Variants in R3HDM1 observed in about 807,000 individuals in gnomAD.
R3HDM1 encodes the protein R3H domain-containing protein 1.
R3HDM1 carries 46 observed loss-of-function variants against 141.1 expected under a neutral mutation model. The observed-to-expected ratio is 0.33, with a 90% CI of 0.26 to 0.42. R3HDM1 has a LOEUF of 0.42. Ranked by LOEUF, R3HDM1 falls within the 10% of genes least tolerant of loss-of-function variation. The pLI is 1.00. For missense variants in R3HDM1, 1,184 were observed against 1,368.3 expected, an observed-to-expected ratio of 0.87 and a Z score of 2.12; for synonymous variants, 435 against 472.9, an observed-to-expected ratio of 0.92 and a Z score of 1.04.
intron 3 of R3HDM1, among the ~76,000 whole-genome samples, chr2:135,607,641 C>CT (rs1208792160): frequency 6.6e-6 from 1 of 152,322 alleles, no homozygotes; most frequent in East Asian, 1.9e-4. Flanking sequence ...ATTTTAGCCT[C>CT]TTTTCTACAC....
intron 1 of R3HDM1, chr2:135,597,132 T>C (rs781610620): frequency 3.1e-6 from 3 of 977,896 alleles, no homozygotes; most frequent in Non-Finnish European, 2.4e-6. Context: ...CACTAATTAT[T>C]CTCTCTCATT....
intron 23 of R3HDM1, among the ~76,000 whole-genome samples, chr2:135,711,106 G>C (rs1462318496): frequency 1.3e-5 from 2 of 152,200 alleles, no homozygotes; most frequent in African/African-American, 4.8e-5. Context: ...GAAGTACACA[G>C]CATTACTTAT....
chr2:135,699,188 AC>A (rs202130462), intron 21 of R3HDM1, among the ~76,000 whole-genome samples: 2,095 of 152,320 alleles, frequency 0.014, 27 homozygotes, highest in Admixed American at 0.029. Context: ...AAAAAAGCTA[AC>A]AGAATGGGAG....
At chr2:135,709,001 G>C (rs966742494) in intron 21 of R3HDM1, among the ~76,000 whole-genome samples, 2 of 149,982 alleles carry the variant, frequency 1.3e-5, no homozygotes, top group African/African-American at 4.9e-5. Flanking sequence ...AAATACAGCA[G>C]TAACTTAATG....
intron 21 of R3HDM1, among the ~76,000 whole-genome samples, chr2:135,684,747 C>A (rs554045974): frequency 6.6e-6 from 1 of 151,204 alleles, no homozygotes; most frequent in Non-Finnish European, 1.5e-5. Flanking sequence ...CATTCTCTTG[C>A]GTTTTTTTTT....
intron 19 of R3HDM1, among the ~76,000 whole-genome samples, chr2:135,673,498 G>C (rs1574918933): frequency 1.3e-5 from 2 of 152,174 alleles, no homozygotes; most frequent in African/African-American, 4.8e-5. Context: ...GTCATTTGAT[G>C]AACTGAAAAT....
intron 3 of R3HDM1, chr2:135,607,182 T>G (rs562494628): frequency 3.7e-6 from 1 of 268,904 alleles, no homozygotes; most frequent in African/African-American, 2.3e-5. Context: ...AGAAACAGGG[T>G]TTCACCATGT....
rs534061085 is a variant in R3HDM1, at chr2:135,682,630, G to A, written c.2459+2306G>A. Among the ~76,000 whole-genome samples the A allele has an allele frequency of 4.9e-4, 74 of 152,346 alleles. 1 individual carries two copies. Among genetic ancestry groups the A allele is most frequent in the African/African-American group, 1.6e-3 (66 of 41,586 alleles). On this transcript the variant is annotated intron_variant, in intron 21 of 26. Coordinates refer to ENST00000683871, the MANE Select transcript of R3HDM1 (RefSeq NM_001378107.1). ...AATTTTTAAGAGCTAGCTTTGGCCT[G>A]AGGGATAGCCTGCAGCACAGAAATT...
Position 135,724,396 on chromosome 2 carries a change from T to C in R3HDM1, c.*104T>C, listed in dbSNP as rs2076995700. The C allele has an allele frequency of 3.5e-6, 3 of 845,626 alleles. No homozygotes were observed. In the African/African-American group the frequency reaches 5.1e-5, roughly 14 times the overall value. The allele number at this position is 845,626 out of a possible 1,614,324, so 52.4% of individuals were successfully genotyped here. ...GTTAACATTATAGAGACTCCTAGGA[T>C]GTGTGTTCATGGCATTATAGCTTTT... On this transcript the variant is annotated 3_prime_UTR_variant, in exon 27 of 27. Transcript: ENST00000683871.
At chr2:135,705,926 G>A (rs1211229638) in intron 21 of R3HDM1, among the ~76,000 whole-genome samples, 3 of 152,050 alleles carry the variant, frequency 2.0e-5, no homozygotes, top group African/African-American at 4.8e-5. Context: ...TCAGGAGATC[G>A]AGACCATCCT....
At chr2:135,709,907 A>G in intron 22 of R3HDM1, 152 bp from the exon 23 acceptor site, 1 of 736,698 alleles carries the variant, frequency 1.4e-6, no homozygotes, top group East Asian at 2.7e-5. Context: ...CAATACTTGT[A>G]GTGTGATGCA....
chr2:135,703,112 A>G (rs191800959), intron 21 of R3HDM1, among the ~76,000 whole-genome samples: 16 of 152,232 alleles, frequency 1.1e-4, no homozygotes, highest in Admixed American at 9.8e-4. Flanking sequence ...CTACCCTCCA[A>G]TTTCTCAAGC....
At chr2:135,703,123 C>T (rs879608796) in intron 21 of R3HDM1, among the ~76,000 whole-genome samples, 4 of 152,084 alleles carry the variant, frequency 2.6e-5, no homozygotes, top group African/African-American at 4.8e-5. Flanking sequence ...TTTCTCAAGC[C>T]GAAGGCATCT....
chr2:135,568,122 C>T (rs1049429574), intron 1 of R3HDM1, among the ~76,000 whole-genome samples: 9 of 151,840 alleles, frequency 5.9e-5, no homozygotes, highest in African/African-American at 2.2e-4. Flanking sequence ...GTGGTTCAAT[C>T]ACGCCTCACT....
chr2:135,674,360 G>A (rs1419203253), intron 19 of R3HDM1, among the ~76,000 whole-genome samples: 2 of 152,276 alleles, frequency 1.3e-5, no homozygotes, highest in African/African-American at 4.8e-5. Context: ...GTTAAAGTCT[G>A]TATAGGTGGT....
chr2:135,621,270 T>C (rs1337067507), intron 5 of R3HDM1, among the ~76,000 whole-genome samples: 1 of 152,048 alleles, frequency 6.6e-6, no homozygotes, highest in East Asian at 1.9e-4. Flanking sequence ...GAGGATTTGT[T>C]TTAATTGATA....
intron 19 of R3HDM1, 68 bp from the exon 20 acceptor site, chr2:135,675,264 A>C: frequency 6.9e-7 from 1 of 1,440,710 alleles, no homozygotes. Context: ...TACTCGCTTA[A>C]ATTTTTTTTT....
At chr2:135,687,986 C>A (rs1013214125) in intron 21 of R3HDM1, among the ~76,000 whole-genome samples, 2 of 152,224 alleles carry the variant, frequency 1.3e-5, no homozygotes, top group African/African-American at 4.8e-5. Flanking sequence ...TTTGTAACCC[C>A]TAAATTGATA....
chr2:135,575,621 G>A (rs368942349), intron 1 of R3HDM1, among the ~76,000 whole-genome samples: 2 of 152,148 alleles, frequency 1.3e-5, no homozygotes, highest in East Asian at 3.8e-4. Flanking sequence ...AAAATCAATA[G>A]ACTCATATAC....
Sources: allele counts gnomAD v4.1 joint callset (sites outside exome capture counted in the v4.1 genomes callset), GRCh38; gene constraint gnomAD v4.1.1; transcripts MANE v1.5; gene names NCBI Gene and HGNC (gene_info 2026-07-23, HGNC 2026-07-21).